The following COL21A1 variants were observed in gnomAD, a reference collection of about 807,000 sequenced individuals.
COL21A1 encodes the protein collagen alpha-1(XXI) chain.
Under a neutral mutation model 137.9 loss-of-function variants are expected in COL21A1, and 149 were observed. That is an observed-to-expected ratio of 1.08 (90% CI 0.95 to 1.24). The LOEUF (loss-of-function observed/expected upper bound fraction) is 1.24. COL21A1 is among the 50% of genes most tolerant of loss of function. The probability of loss-of-function intolerance (pLI) is 0.00; values close to 1 mark genes in which losing one functional copy is unlikely to be tolerated. For missense variants in COL21A1, 1,167 were observed against 1,158.4 expected, an observed-to-expected ratio of 1.01 and a Z score of -0.11; for synonymous variants, 456 against 391.5, an observed-to-expected ratio of 1.16 and a Z score of -1.95.
chr6:56,205,626 T>G (rs556747955), intron 1 of COL21A1, among the ~76,000 whole-genome samples: 2 of 152,088 alleles, frequency 1.3e-5, no homozygotes, highest in African/African-American at 4.8e-5. Flanking sequence ...ATTCAGGAAA[T>G]ACAGAGAATA....
intron 1 of COL21A1, among the ~76,000 whole-genome samples, chr6:56,200,322 T>C (rs1779297924): frequency 6.6e-6 from 1 of 152,190 alleles, no homozygotes; most frequent in South Asian, 2.1e-4. Context: ...TAAATTATTA[T>C]ACTTTAAGTT....
chr6:56,060,285 A>G, intron 27 of COL21A1, 67 bp from the exon 28 acceptor site: 1 of 1,335,944 alleles, frequency 7.5e-7, no homozygotes, highest in Non-Finnish European at 1.0e-6. Flanking sequence ...TATATTTTTA[A>G]TTTTTTTCAG....
rs4712119 is a variant in COL21A1 at position 56,226,833 on chromosome 6, G to A, written c.-39+20554C>T. Among the ~76,000 whole-genome samples the A allele has an allele frequency of 1.4e-3, 213 of 151,488 alleles. 8 individuals are homozygous for A. Among genetic ancestry groups the A allele is most frequent in the Admixed American group, 0.011 (170 of 15,120 alleles). ...ATGTTGTTATGACAATGAAACTTTC[G>A]AAGAGACTATCAAACTTTGAAAACA... On this transcript the variant is annotated intron_variant, in intron 1 of 29. Transcript: ENST00000244728.
rs369283647 is a variant in COL21A1 at position 56,098,624 on chromosome 6, TAA to T, written c.1812+2846_1812+2847del. Among the ~76,000 whole-genome samples the T allele has an allele frequency of 6.4e-3, 153 of 23,964 alleles. 14 individuals carry two copies. Among genetic ancestry groups the T allele is most frequent in the African/African-American group, 9.9e-3 (52 of 5,262 alleles). The allele number at this position is 23,964 out of a possible 152,430, so 15.7% of individuals were successfully genotyped here. A position where few individuals can be genotyped will look rare whatever the true frequency, so the allele number is the denominator to read the frequency against. On this transcript the variant is annotated intron_variant, in intron 17 of 29. Coordinates refer to ENST00000244728, the MANE Select transcript of COL21A1 (RefSeq NM_030820.4). ...ATATATAAATATATATAAATATATA[TAA>T]ATATATATATAAATATATATAAATA...
chr6:56,101,551 T>C, intron 16 of COL21A1, 26 bp from the exon 17 acceptor site: 1 of 1,551,416 alleles, frequency 6.4e-7, no homozygotes, highest in Non-Finnish European at 8.8e-7. Context: ...CAAAAAGAAA[T>C]AGAGAATTCA....
intron 17 of COL21A1, among the ~76,000 whole-genome samples, chr6:56,084,043 T>C (rs1399348095): frequency 6.6e-6 from 1 of 151,942 alleles, no homozygotes; most frequent in East Asian, 1.9e-4. Context: ...ATAGAACTAA[T>C]ATTTGAAACC....
intron 1 of COL21A1, among the ~76,000 whole-genome samples, chr6:56,272,035 T>C (rs2152332561): frequency 6.6e-6 from 1 of 152,310 alleles, no homozygotes; most frequent in African/African-American, 2.4e-5. Context: ...AAGGGAAATG[T>C]GGGGTTGGAA....
chr6:56,128,546 T>C (rs772038367), intron 12 of COL21A1, among the ~76,000 whole-genome samples: 1 of 152,196 alleles, frequency 6.6e-6, no homozygotes, highest in Non-Finnish European at 1.5e-5. Flanking sequence ...ACAAGGATCT[T>C]CTATGTCTCT....
chr6:56,186,706 T>G (rs1489883207), intron 1 of COL21A1, among the ~76,000 whole-genome samples: 1 of 151,992 alleles, frequency 6.6e-6, no homozygotes, highest in African/African-American at 2.4e-5. Context: ...TTCAATAGTA[T>G]CAAAAGTATT....
intron 12 of COL21A1, among the ~76,000 whole-genome samples, chr6:56,130,987 C>T (rs1773514098): frequency 6.6e-6 from 1 of 152,060 alleles, no homozygotes; most frequent in Non-Finnish European, 1.5e-5. Flanking sequence ...ATAAATGGCT[C>T]CTGTGTTGGC....
intron 1 of COL21A1, among the ~76,000 whole-genome samples, chr6:56,239,357 T>C (rs977796966): frequency 2.6e-5 from 4 of 152,162 alleles, no homozygotes; most frequent in Non-Finnish European, 5.9e-5. Context: ...AAAGCATGTA[T>C]CTAAGTATTC....
chr6:56,235,998 G>A (rs991659604), intron 1 of COL21A1, among the ~76,000 whole-genome samples: 3 of 151,960 alleles, frequency 2.0e-5, no homozygotes, highest in Admixed American at 6.6e-5. Flanking sequence ...ATACCAAATT[G>A]AATTCATTCA....
chr6:56,230,693 T>C (rs1393499303), intron 1 of COL21A1, among the ~76,000 whole-genome samples: 1 of 151,880 alleles, frequency 6.6e-6, no homozygotes. Context: ...TGTATGAGTA[T>C]CTAACTCCTT....
intron 1 of COL21A1, among the ~76,000 whole-genome samples, chr6:56,334,058 A>G (rs1765288457): frequency 2.2e-5 from 1 of 44,910 alleles, no homozygotes; most frequent in Non-Finnish European, 4.5e-5. Flanking sequence ...GTAAAGAGTC[A>G]TCAGGTAGCT....
At chr6:56,367,816 G>A (rs2152349598) in intron 1 of COL21A1, among the ~76,000 whole-genome samples, 1 of 152,328 alleles carries the variant, frequency 6.6e-6, no homozygotes, top group Middle Eastern at 3.4e-3. Flanking sequence ...CTGAGCACAA[G>A]AGATCCTCCC....
At chr6:56,259,976 G>GCC (rs1263718029) in intron 1 of COL21A1, among the ~76,000 whole-genome samples, 37 of 152,092 alleles carry the variant, frequency 2.4e-4, no homozygotes, top group African/African-American at 8.9e-4. Flanking sequence ...TCTCATTATT[G>GCC]AGGAAAGAAA....
At chr6:56,191,001 C>T (rs957693845) in intron 1 of COL21A1, among the ~76,000 whole-genome samples, 2 of 152,170 alleles carry the variant, frequency 1.3e-5, no homozygotes, top group African/African-American at 4.8e-5. Context: ...CAATATCATA[C>T]TGAATAGGCA....
intron 17 of COL21A1, among the ~76,000 whole-genome samples, chr6:56,098,712 T>A (rs74802513): frequency 9.1e-6 from 1 of 109,308 alleles, no homozygotes; most frequent in African/African-American, 3.6e-5. Flanking sequence ...TATATAAATA[T>A]ATATAAATAT....
intron 1 of COL21A1, among the ~76,000 whole-genome samples, chr6:56,370,674 A>G (rs1307120534): frequency 2.0e-5 from 3 of 152,250 alleles, no homozygotes; most frequent in African/African-American, 4.8e-5. Flanking sequence ...TTGCCAAAAC[A>G]TGAATCAGTT....
Sources: allele counts gnomAD v4.1 joint callset (sites outside exome capture counted in the v4.1 genomes callset), GRCh38; gene constraint gnomAD v4.1.1; transcripts MANE v1.5; gene names NCBI Gene and HGNC (gene_info 2026-07-23, HGNC 2026-07-21).